LINGO2: variants seen among roughly 807,000 people sequenced by gnomAD.
LINGO2 encodes leucine-rich repeat and immunoglobulin-like domain-containing nogo receptor-interacting protein 2.
In LINGO2, 14 loss-of-function variants were observed where a neutral mutation model predicts 30.6. The ratio of observed to expected loss-of-function variants is 0.46; its 90% CI spans 0.30 to 0.72. The LOEUF (loss-of-function observed/expected upper bound fraction) is 0.72. Among genes scored for constraint, LINGO2 ranks in the 30% least tolerant of loss-of-function variants. The pLI is 0.07. For missense variants in LINGO2, 729 were observed against 751.7 expected (o/e 0.97, Z 0.35); for synonymous variants, 317 against 288.5 (o/e 1.10, Z -1.00).
intron 2 of LINGO2, among the ~76,000 whole-genome samples, chr9:28,469,733 C>T (rs547642846): frequency 6.6e-6 from 1 of 152,040 alleles, no homozygotes; most frequent in South Asian, 2.1e-4. Context: ...AAAGTTTCTT[C>T]AAAAATAAGG....
At chr9:28,521,498 T>C (rs1820828147) in intron 1 of LINGO2, among the ~76,000 whole-genome samples, 1 of 152,170 alleles carries the variant, frequency 6.6e-6, no homozygotes, top group Non-Finnish European at 1.5e-5. Context: ...AAAGATATGG[T>C]AGGCCTGTGG....
At chr9:29,075,790 A>T in the LINGO2 span, among the ~76,000 whole-genome samples, 1 of 152,194 alleles carries the variant, frequency 6.6e-6, no homozygotes, top group African/African-American at 2.4e-5. Flanking sequence ...AAGGCAATAG[A>T]GTGTCAACCA....
chr9:28,523,800 T>A (rs543321666), intron 1 of LINGO2, among the ~76,000 whole-genome samples: 2 of 151,902 alleles, frequency 1.3e-5, no homozygotes, highest in Non-Finnish European at 2.9e-5. Context: ...GGAAAGACAT[T>A]TCTATGGATT....
intron 5 of LINGO2, among the ~76,000 whole-genome samples, chr9:27,986,702 C>A (rs1821141861): frequency 6.6e-6 from 1 of 151,796 alleles, no homozygotes; most frequent in Non-Finnish European, 1.5e-5. Flanking sequence ...CCTCCTTGAG[C>A]ACTTTCTCCT....
the LINGO2 span, among the ~76,000 whole-genome samples, chr9:28,866,140 A>C: frequency 6.6e-6 from 1 of 152,142 alleles, no homozygotes; most frequent in Admixed American, 6.6e-5. Context: ...TATTTTATAT[A>C]AGTAGATAAA....
chr9:28,267,825 G>A (rs1336621136), intron 4 of LINGO2, among the ~76,000 whole-genome samples: 2 of 151,938 alleles, frequency 1.3e-5, no homozygotes, highest in African/African-American at 4.8e-5. Context: ...TCTAACAGCA[G>A]GAGCTCCAGA....
At chr9:29,166,931 AAGAT>A in the LINGO2 span, among the ~76,000 whole-genome samples, 6 of 152,110 alleles carry the variant, frequency 3.9e-5, no homozygotes, top group African/African-American at 9.7e-5. Flanking sequence ...GAATTCCCAA[AAGAT>A]AGATAGATAT....
chr9:28,590,013 C>A (rs1435633555), intron 1 of LINGO2, among the ~76,000 whole-genome samples: 1 of 152,078 alleles, frequency 6.6e-6, no homozygotes, highest in Non-Finnish European at 1.5e-5. Context: ...TATCTACAAC[C>A]ATCTGATCTT....
At chr9:28,573,664 T>C (rs1007527693) in intron 1 of LINGO2, among the ~76,000 whole-genome samples, 1 of 152,204 alleles carries the variant, frequency 6.6e-6, no homozygotes, top group African/African-American at 2.4e-5. Context: ...GTATATGAGC[T>C]GGTTTTATAG....
At chr9:28,777,920 T>C in the LINGO2 span, among the ~76,000 whole-genome samples, 1 of 152,168 alleles carries the variant, frequency 6.6e-6, no homozygotes, top group Non-Finnish European at 1.5e-5. Context: ...TGACAGCACA[T>C]CCCATAGTTC....
At chr9:28,352,040 T>G (rs1587520365) in intron 3 of LINGO2, among the ~76,000 whole-genome samples, 1 of 150,656 alleles carries the variant, frequency 6.6e-6, no homozygotes, top group East Asian at 2.0e-4. Context: ...CCACAGCCAA[T>G]ATCATACTGA....
At chr9:27,939,176 T>C in the LINGO2 span, 2 of 152,196 alleles carry the variant, frequency 1.3e-5, no homozygotes, top group Non-Finnish European at 2.9e-5. Flanking sequence ...ATATGATCAT[T>C]GCCATTTATT....
chr9:29,135,945 G>A, the LINGO2 span, among the ~76,000 whole-genome samples: 5 of 152,192 alleles, frequency 3.3e-5, no homozygotes, highest in East Asian at 3.9e-4. Context: ...CATAGCATGC[G>A]TCAGGAATTC....
chr9:28,054,215 C>T (rs551778529), intron 4 of LINGO2, among the ~76,000 whole-genome samples: 2 of 152,096 alleles, frequency 1.3e-5, no homozygotes, highest in African/African-American at 2.4e-5. Context: ...AGAAATAGTG[C>T]CAGACAGAAA....
intron 4 of LINGO2, among the ~76,000 whole-genome samples, chr9:28,266,889 C>T (rs1402395406): frequency 2.0e-5 from 3 of 152,020 alleles, no homozygotes; most frequent in Non-Finnish European, 2.9e-5. Flanking sequence ...TATTCCACAT[C>T]ACAGGACAAT....
chr9:28,453,198 A>G (rs1370676312), intron 2 of LINGO2, among the ~76,000 whole-genome samples: 1 of 151,960 alleles, frequency 6.6e-6, no homozygotes, highest in Non-Finnish European at 1.5e-5. Context: ...AGTCACTGGG[A>G]TATGAGAGTG....
chr9:28,272,003 A>G (rs1822957052), intron 4 of LINGO2, among the ~76,000 whole-genome samples: 5 of 152,204 alleles, frequency 3.3e-5, no homozygotes, highest in Admixed American at 3.3e-4. Flanking sequence ...ATGCTTGCCA[A>G]GCAGCAAGGG....
the LINGO2 span, among the ~76,000 whole-genome samples, chr9:28,711,834 G>A: frequency 1.3e-5 from 2 of 151,976 alleles, no homozygotes; most frequent in Non-Finnish European, 2.9e-5. Flanking sequence ...GCCCAGATAA[G>A]AACTCACAAA....
intron 4 of LINGO2, among the ~76,000 whole-genome samples, chr9:28,227,669 T>C (rs1350209100): frequency 6.6e-6 from 1 of 152,050 alleles, no homozygotes; most frequent in Non-Finnish European, 1.5e-5. Context: ...TAAAAGACTG[T>C]TTAGAATCCC....
Sources: gnomAD v4.1 joint callset for allele counts (sites outside exome capture counted in the v4.1 genomes callset) on GRCh38, gnomAD v4.1.1 for gene constraint, MANE v1.5 for transcripts, NCBI Gene and HGNC (gene_info 2026-07-23, HGNC 2026-07-21) for gene names.